The following MYO10 variants were observed in gnomAD, a reference collection of about 807,000 sequenced individuals.
MYO10 encodes unconventional myosin-X.
In MYO10, 133 loss-of-function variants were observed where a neutral mutation model predicts 257.3. The ratio of observed to expected loss-of-function variants is 0.52; its 90% confidence interval spans 0.45 to 0.60. The LOEUF is 0.60. Among genes scored for constraint, MYO10 ranks in the 20% least tolerant of loss-of-function variants. MYO10 has a pLI of 0.00. For synonymous variants in MYO10, 1,104 were observed against 1,028.6 expected, an observed-to-expected ratio of 1.07 and a Z score of -1.40; for missense variants, 2,399 against 2,635.7, an observed-to-expected ratio of 0.91 and a Z score of 1.97.
chr5:16,842,433 C>T (rs1743510076), intron 2 of MYO10, among the ~76,000 whole-genome samples: 1 of 152,164 alleles, frequency 6.6e-6, no homozygotes, highest in Admixed American at 6.5e-5. Flanking sequence ...GGGAGCCCAG[C>T]TCCACCAGGG....
rs182768169 is a variant in MYO10, at chr5:16,781,915, A to G, written c.603-86T>C. 612 of 1,484,062 alleles carry G rather than the reference A, an allele frequency of 4.1e-4. 3 individuals are homozygous for G. In the African/African-American group the frequency reaches 7.7e-3, roughly 19 times the overall value. The allele number at this position is 1,484,062 out of a possible 1,614,324, so 91.9% of individuals were successfully genotyped here. ...GCACTTCTCACAAATGTCAAAATATACAACTGCAAGAAAAATCTGAAACCA... is the reference window on the plus strand; with the variant it reads ...GCACTTCTCACAAATGTCAAAATATGCAACTGCAAGAAAAATCTGAAACCA... On this transcript the variant is annotated intron_variant, in intron 5 of 40. Coordinates refer to ENST00000513610, the MANE Select transcript of MYO10 (RefSeq NM_012334.3).
intron 2 of MYO10, among the ~76,000 whole-genome samples, chr5:16,871,938 G>A (rs951060843): frequency 2.6e-5 from 4 of 152,142 alleles, no homozygotes; most frequent in Non-Finnish European, 4.4e-5. Context: ...CTAAGCATTC[G>A]ATGACCAAAT....
At chr5:16,672,967 A>G in intron 36 of MYO10, 142 bp from the exon 37 acceptor site, 1 of 911,602 alleles carries the variant, frequency 1.1e-6, no homozygotes, top group East Asian at 2.7e-5. Flanking sequence ...CCGTGTGGTC[A>G]TCCCAGAATT....
At chr5:16,741,944 G>A in intron 19 of MYO10, 2 of 985,356 alleles carry the variant, frequency 2.0e-6, no homozygotes, top group Non-Finnish European at 2.4e-6. Context: ...TTTATGTGGT[G>A]CGTCTCGGGC....
intron 33 of MYO10, among the ~76,000 whole-genome samples, chr5:16,678,848 C>G (rs72750524): frequency 7.2e-5 from 11 of 152,196 alleles, no homozygotes; most frequent in Non-Finnish European, 1.2e-4. Context: ...AGCTCTGTCC[C>G]TTGCCCTGGG....
chr5:16,908,896 TA>T (rs1561053568), intron 1 of MYO10, among the ~76,000 whole-genome samples: 1 of 152,188 alleles, frequency 6.6e-6, no homozygotes, highest in East Asian at 1.9e-4. Context: ...TGACTACATT[TA>T]CATGAAATAT....
intron 3 of MYO10, 87 bp from the exon 4 acceptor site, chr5:16,794,920 G>C: frequency 1.0e-6 from 1 of 969,284 alleles, no homozygotes; most frequent in Non-Finnish European, 1.3e-6. Flanking sequence ...GTGTGCGCCA[G>C]GGGGAAAGAC....
chr5:16,792,503 C>A (rs1741796560), intron 4 of MYO10, among the ~76,000 whole-genome samples: 1 of 152,192 alleles, frequency 6.6e-6, no homozygotes. Context: ...ATTCTCCATC[C>A]ATTTCCCTGC....
intron 19 of MYO10, among the ~76,000 whole-genome samples, chr5:16,750,394 G>A (rs1211981638): frequency 6.6e-6 from 1 of 151,092 alleles, no homozygotes. Context: ...ACAATACATA[G>A]AAAACCCAAA....
chr5:16,821,443 C>CTTTTTTTTTTTTT lies in MYO10; in HGVS notation c.121-3289_121-3277dup, dbSNP rs571931909. On this transcript the variant is annotated intron_variant, in intron 2 of 40. Coordinates refer to ENST00000513610, the MANE Select transcript of MYO10 (RefSeq NM_012334.3). ...ATTTGACTTCCTTTCCTCCTATTTT[C>CTTTTTTTTTTTTT]TTTTTTTTTTTTTTTTTTTTTTTTT... 8.5e-5 allele frequency among the ~76,000 whole-genome samples: 6 copies of CTTTTTTTTTTTTT among 70,260 alleles called. 1 individual carries two copies. Among genetic ancestry groups the CTTTTTTTTTTTTT allele is most frequent in the African/African-American group, 3.7e-4 (6 of 16,382 alleles). 46.1% of individuals were successfully genotyped at this position (70,260 alleles called of 152,430 possible).
chr5:16,666,799 C>G lies in MYO10; in HGVS notation c.6076-6G>C, dbSNP rs1561162164. Reference sequence around the variant, plus strand: ...AGCTTGGCCACATCCACCACCTGCCCAGGGGGAAGCAGAACCGACACAGCG... The same window carrying G: ...AGCTTGGCCACATCCACCACCTGCCGAGGGGGAAGCAGAACCGACACAGCG... On this transcript the variant is annotated splice_region_variant and splice_polypyrimidine_tract_variant and intron_variant, in intron 40 of 40. Transcript: ENST00000513610. 1 of 1,589,346 alleles carries G rather than the reference C, an allele frequency of 6.3e-7. No individual in the cohort carries two copies. The highest frequency in any genetic ancestry group is 8.6e-7 in the Non-Finnish European group (1 of 1,169,358).
In MYO10 at chr5:16,665,851, ACAGATGG is replaced by A. The variant is rs1238826040; in HGVS notation, c.*834_*840del. ...CTTATCTGTTTATAATACAGCAGAC[ACAGATGG>A]CAGACTTTGCTACATGTAAAACAAT... On this transcript the variant is annotated 3_prime_UTR_variant, in exon 41 of 41. Coordinates refer to ENST00000513610, the MANE Select transcript of MYO10 (RefSeq NM_012334.3). 6.5e-6 allele frequency: 1 copy of A among 152,676 alleles called. No individual in the cohort carries two copies. The highest frequency in any genetic ancestry group is 1.5e-5 in the Non-Finnish European group (1 of 68,050). 9.5% of individuals were successfully genotyped at this position (152,676 alleles called of 1,614,324 possible).
Position 16,679,988 on chromosome 5 carries a change from G to C in MYO10, c.4501C>G (p.Pro1501Ala), listed in dbSNP as rs1407536613. Residue 1501 changes from proline (P) to alanine (A), a missense_variant, in exon 33 of 41, where the codon CCG becomes GCG. Coordinates refer to ENST00000513610, the MANE Select transcript of MYO10 (RefSeq NM_012334.3). The stretch of plus-strand genomic sequence containing the variant: ...AGCTGCTGGGTGGGGGTGTCGATCG[G>C]GGCCTTGGTGTCAGTCACGTTTTGA... Reference protein sequence around the residue: ...AIQNVTDTKAPIDTPTQQLIQ... With the variant: ...AIQNVTDTKAAIDTPTQQLIQ... The C allele has an allele frequency of 2.4e-5, 38 of 1,613,862 alleles. No individual in the cohort carries two copies. The highest frequency in any genetic ancestry group is 3.1e-5 in the Non-Finnish European group (36 of 1,179,850).
chr5:16,819,490 T>C (rs756530147), intron 2 of MYO10, among the ~76,000 whole-genome samples: 38 of 152,270 alleles, frequency 2.5e-4, no homozygotes, highest in Middle Eastern at 3.4e-3. Context: ...ACTCATTTAC[T>C]AGAGTTGGTA....
chr5:16,833,523 T>A (rs1288672388), intron 2 of MYO10, among the ~76,000 whole-genome samples: 1 of 152,150 alleles, frequency 6.6e-6, no homozygotes, highest in Non-Finnish European at 1.5e-5. Context: ...TTTTACTAGT[T>A]TTAATGACAA....
chr5:16,690,921 G>A (rs1000775202), intron 27 of MYO10, among the ~76,000 whole-genome samples: 7 of 152,040 alleles, frequency 4.6e-5, no homozygotes, highest in African/African-American at 1.2e-4. Context: ...ATAGTAATAC[G>A]TTTGATGAAG....
At chr5:16,741,400 T>C (rs1165549892) in intron 19 of MYO10, among the ~76,000 whole-genome samples, 1 of 152,240 alleles carries the variant, frequency 6.6e-6, no homozygotes, top group African/African-American at 2.4e-5. Context: ...TAAAGGTTCC[T>C]ATAAAGCACG....
At chr5:16,695,893 T>C (rs1348846780) in intron 26 of MYO10, among the ~76,000 whole-genome samples, 1 of 152,238 alleles carries the variant, frequency 6.6e-6, no homozygotes, top group Non-Finnish European at 1.5e-5. Flanking sequence ...CCTGCTCATC[T>C]AGCTGAGACA....
At chr5:16,855,906 C>A (rs1743946636) in intron 2 of MYO10, among the ~76,000 whole-genome samples, 1 of 152,348 alleles carries the variant, frequency 6.6e-6, no homozygotes. Context: ...ACCTGTTACC[C>A]TCACTGGAAG....
Sources: gnomAD v4.1 joint callset for allele counts (sites outside exome capture counted in the v4.1 genomes callset) on GRCh38, gnomAD v4.1.1 for gene constraint, MANE v1.5 for transcripts, NCBI Gene and HGNC (gene_info 2026-07-23, HGNC 2026-07-21) for gene names.